Variants in MECOM observed in about 807,000 individuals in gnomAD.
MECOM encodes the protein MDS1 and EVI1 complex locus.
MECOM carries 13 observed loss-of-function variants against 116.3 expected under a neutral mutation model. That is an observed-to-expected ratio of 0.11 (90% CI 0.07 to 0.18). The LOEUF is 0.18. MECOM is among the 10% of genes least tolerant of loss of function. MECOM has a pLI of 1.00. For synonymous variants in MECOM, 528 were observed against 535.2 expected, an observed-to-expected ratio of 0.99 and a Z score of 0.19; for missense variants, 1,299 against 1,509.0, an observed-to-expected ratio of 0.86 and a Z score of 2.31.
intron 2 of MECOM, among the ~76,000 whole-genome samples, chr3:169,226,299 T>A (rs996987943): frequency 1.3e-5 from 2 of 152,122 alleles, no homozygotes; most frequent in African/African-American, 2.4e-5. Flanking sequence ...AGAATAAGAG[T>A]AGAAGTGGAG....
chr3:169,275,508 A>G (rs1282418540), intron 2 of MECOM, among the ~76,000 whole-genome samples: 2 of 152,234 alleles, frequency 1.3e-5, no homozygotes, highest in African/African-American at 4.8e-5. Flanking sequence ...ATAATGTTCC[A>G]AGGTCACCTG....
In MECOM at chr3:169,169,186, C is replaced by T. The variant is rs1157771287; in HGVS notation, c.376-25354G>A. ...GCTTTCAAAAAGAATTTGTTTTCTA[C>T]GTTATCATTTAGTGTAGGGAAAATA... On this transcript the variant is annotated intron_variant, in intron 2 of 16. Transcript: ENST00000651503. Among the ~76,000 whole-genome samples the T allele has an allele frequency of 2.6e-5, 4 of 152,014 alleles. 1 individual carries two copies. Among genetic ancestry groups the T allele is most frequent in the African/African-American group, 7.2e-5 (3 of 41,414 alleles).
chr3:169,122,689 T>A lies in MECOM; in HGVS notation c.869A>T (p.Glu290Val). 1 of 1,614,010 alleles carries A rather than the reference T, an allele frequency of 6.2e-7. No homozygotes were observed. Among genetic ancestry groups the A allele is most frequent in the Non-Finnish European group, 8.5e-7 (1 of 1,179,902 alleles). Residue 290 changes from glutamate (E) to valine (V), a missense_variant, in exon 6 of 17, where the codon GAA (glutamate) becomes GTA (valine). Around this residue, in one of 6 missense-constraint regions of MECOM, gnomAD observed 374 missense variants for 433.4 expected, o/e 0.86. Transcript: ENST00000651503. ...KHMLSHTEEREYKCDQCPKAF... is the reference protein window; with the variant it reads ...KHMLSHTEERVYKCDQCPKAF... ...CTTGGGACACTGATCACACTTGTAT[T>A]CCCTCTCTTCAGTATGTGACAGCAT...
intron 1 of MECOM, among the ~76,000 whole-genome samples, chr3:169,502,504 T>G (rs557920512): frequency 6.6e-6 from 1 of 152,230 alleles, no homozygotes; most frequent in African/African-American, 2.4e-5. Context: ...CAGTGTCTGT[T>G]GACTGCAACC....
At chr3:169,380,890 G>C (rs1270615738) in intron 2 of MECOM, among the ~76,000 whole-genome samples, 1 of 152,106 alleles carries the variant, frequency 6.6e-6, no homozygotes, top group Non-Finnish European at 1.5e-5. Context: ...GCTACACATG[G>C]TCATAGCCAA....
At position 169,260,719 on chromosome 3, in the gene MECOM, T is replaced by C. The variant is rs191480723; in HGVS notation, c.376-116887A>G. ...TGCACTTGTCGAGAATGATAATATA[T>C]GTTGGAATAAAATCTAGATTTTTCT... On this transcript the variant is annotated intron_variant, in intron 2 of 16. Transcript: ENST00000651503. 1.8e-3 allele frequency among the ~76,000 whole-genome samples: 272 copies of C among 152,342 alleles called. 2 individuals carry two copies. Among genetic ancestry groups the C allele is most frequent in the African/African-American group, 6.3e-3 (260 of 41,576 alleles).
chr3:169,517,928 A>C (rs1366576090), intron 1 of MECOM, among the ~76,000 whole-genome samples: 1 of 152,266 alleles, frequency 6.6e-6, no homozygotes, highest in Non-Finnish European at 1.5e-5. Flanking sequence ...CTAAACATCA[A>C]ATTGTGCATA....
At chr3:169,139,998 T>A (rs1326647497) in intron 3 of MECOM, among the ~76,000 whole-genome samples, 2 of 152,014 alleles carry the variant, frequency 1.3e-5, no homozygotes. Flanking sequence ...AGATGTTTGG[T>A]TTACTTCACA....
chr3:169,112,176 A>G (rs1234703637), intron 9 of MECOM, among the ~76,000 whole-genome samples: 1 of 152,158 alleles, frequency 6.6e-6, no homozygotes, highest in Non-Finnish European at 1.5e-5. Flanking sequence ...TTTAGGATGA[A>G]CCAATTAGAG....
intron 1 of MECOM, among the ~76,000 whole-genome samples, chr3:169,550,885 G>A (rs1761308294): frequency 1.1e-5 from 1 of 91,858 alleles, no homozygotes; most frequent in Non-Finnish European, 2.3e-5. Flanking sequence ...GTGCAGTGGC[G>A]GGATCTCGGC....
At chr3:169,595,313 G>A (rs181115898) in intron 1 of MECOM, among the ~76,000 whole-genome samples, 2 of 152,166 alleles carry the variant, frequency 1.3e-5, no homozygotes, top group East Asian at 3.9e-4. Context: ...ACCCACCAAC[G>A]ACTACCTAAT....
At chr3:169,296,803 CAA>C (rs1715696886) in intron 2 of MECOM, among the ~76,000 whole-genome samples, 1 of 152,176 alleles carries the variant, frequency 6.6e-6, no homozygotes, top group African/African-American at 2.4e-5. Context: ...AAACATGGTG[CAA>C]AGTTTGTTTT....
chr3:169,213,071 CTTTT>C (rs200530539), intron 2 of MECOM, among the ~76,000 whole-genome samples: 1 of 141,956 alleles, frequency 7.0e-6, no homozygotes, highest in African/African-American at 2.7e-5. Flanking sequence ...TCCTCTCTTT[CTTTT>C]TTATTTTTTT....
intron 10 of MECOM, among the ~76,000 whole-genome samples, chr3:169,104,886 GAA>G (rs1724839251): frequency 6.6e-6 from 1 of 152,070 alleles, no homozygotes; most frequent in Non-Finnish European, 1.5e-5. Flanking sequence ...AAACCATCAA[GAA>G]ACAAGAAAAT....
At chr3:169,543,276 TA>T (rs1022020953) in intron 1 of MECOM, among the ~76,000 whole-genome samples, 13 of 152,002 alleles carry the variant, frequency 8.6e-5, no homozygotes, top group African/African-American at 1.2e-4. Flanking sequence ...TGGCTTCTTA[TA>T]AAAAAAAGTA....
chr3:169,302,374 GT>G (rs912074154), intron 2 of MECOM, among the ~76,000 whole-genome samples: 4 of 152,290 alleles, frequency 2.6e-5, no homozygotes, highest in Non-Finnish European at 5.9e-5. Context: ...AAATGGCAGA[GT>G]TTGTTTCCCA....
chr3:169,442,815 T>C (rs1743955982), intron 1 of MECOM, among the ~76,000 whole-genome samples: 1 of 152,214 alleles, frequency 6.6e-6, no homozygotes, highest in African/African-American at 2.4e-5. Flanking sequence ...TTTTCACATT[T>C]TTTTTTATCT....
At chr3:169,172,417 G>GTGTT (rs1744573161) in intron 2 of MECOM, among the ~76,000 whole-genome samples, 1 of 151,120 alleles carries the variant, frequency 6.6e-6, no homozygotes, top group African/African-American at 2.4e-5. Flanking sequence ...ATGTGTGTGT[G>GTGTT]TGTGTGTGTG....
At chr3:169,552,405 G>T (rs1761518640) in intron 1 of MECOM, among the ~76,000 whole-genome samples, 1 of 151,840 alleles carries the variant, frequency 6.6e-6, no homozygotes, top group Non-Finnish European at 1.5e-5. Context: ...AATAGCAAGA[G>T]TAATAATAAT....
Sources: gnomAD v4.1 joint callset for allele counts (sites outside exome capture counted in the v4.1 genomes callset) on GRCh38, gnomAD v4.1.1 for gene constraint, gnomAD v4.1.1 regional missense constraint, MANE v1.5 for transcripts, NCBI Gene and HGNC (gene_info 2026-07-23, HGNC 2026-07-21) for gene names.